The following ANKS3 variants were observed in gnomAD, a reference collection of about 807,000 sequenced individuals.
ANKS3 encodes ankyrin repeat and sterile alpha motif domain containing 3, also known as ankyrin repeat and SAM domain-containing protein 3.
A neutral mutation model predicts 80.7 loss-of-function variants in ANKS3; 62 were observed. The observed-to-expected ratio is 0.77, with a 90% CI of 0.63 to 0.95. The LOEUF (loss-of-function observed/expected upper bound fraction) is 0.95, where lower values mean the gene tolerates loss of function less well. Among genes scored for constraint, ANKS3 ranks in the 40% least tolerant of loss-of-function variants. ANKS3 has a pLI of 0.00. For missense variants in ANKS3, 1,150 were observed against 883.6 expected (o/e 1.30, Z -3.82); for synonymous variants, 489 against 355.3 (o/e 1.38, Z -4.23).
intron 14 of ANKS3, 178 bp from the exon 15 acceptor site, chr16:4,698,240 C>A: frequency 8.8e-7 from 1 of 1,135,778 alleles, no homozygotes. Context: ...GGTGCAGATT[C>A]CCGGACCCAA....
chr16:4,703,551 G>C (rs2080030946), intron 8 of ANKS3, among the ~76,000 whole-genome samples: 1 of 151,812 alleles, frequency 6.6e-6, no homozygotes, highest in Admixed American at 6.6e-5. Context: ...CTCCCGAGTA[G>C]CTGGGATTAT....
At chr16:4,697,487 C>G in intron 15 of ANKS3, 71 bp from the exon 16 acceptor site, 1 of 1,294,920 alleles carries the variant, frequency 7.7e-7, no homozygotes, top group Non-Finnish European at 1.1e-6. Flanking sequence ...TATTCTGAGC[C>G]CATGCAACCA....
Position 4,730,110 on chromosome 16 carries a change from G to C in ANKS3, c.40C>G (p.Leu14Val), listed in dbSNP as rs557350733. Residue 14 changes from leucine to valine, a missense_variant, in exon 3 of 18, where the codon CTG becomes GTG. Physicochemically the swap from Leu to Val is conservative, Grantham distance 32. Coordinates refer to ENST00000304283, the MANE Select transcript of ANKS3 (RefSeq NM_133450.4). The stretch of plus-strand genomic sequence containing the variant: ...TGCCACATGGACAAGCTGCGGTTCA[G>C]GAGTTCCGGCTCGCTGGCTTCATCG... ...LSDEASEPELLNRSLSMWHGL... is the reference protein window; with the variant it reads ...LSDEASEPELVNRSLSMWHGL... 2.5e-6 allele frequency: 4 copies of C among 1,592,638 alleles called. No homozygotes were observed. Among genetic ancestry groups the C allele is most frequent in the Admixed American group, 3.4e-5 (2 of 58,310 alleles).
At chr16:4,697,235 G>C (rs560517716) in intron 16 of ANKS3, 98 bp downstream of exon 16, 9 of 1,543,056 alleles carry the variant, frequency 5.8e-6, no homozygotes, top group East Asian at 2.3e-5. Flanking sequence ...GTCAGCCTTG[G>C]GGTAGAGAGA....
At chr16:4,697,294 CAA>C in intron 16 of ANKS3, 37 bp downstream of exon 16, 1 of 1,575,502 alleles carries the variant, frequency 6.3e-7, no homozygotes, top group Non-Finnish European at 8.7e-7. Flanking sequence ...CCCTCGGAAA[CAA>C]AAGGAGCGCT....
chr16:4,732,554 G>C (rs2081680821), intron 1 of ANKS3, among the ~76,000 whole-genome samples: 1 of 151,818 alleles, frequency 6.6e-6, no homozygotes, highest in Non-Finnish European at 1.5e-5. Context: ...GTGGTGGTGG[G>C]CGCCTGTAGT....
intron 1 of ANKS3, among the ~76,000 whole-genome samples, chr16:4,733,247 A>G (rs1264572129): frequency 2.0e-4 from 30 of 150,040 alleles, no homozygotes; most frequent in Non-Finnish European, 3.0e-5. Context: ...TGACCGCACA[A>G]CAGGGTGACT....
intron 7 of ANKS3, 82 bp downstream of exon 7, chr16:4,713,969 G>A: frequency 6.5e-7 from 1 of 1,549,620 alleles, no homozygotes; most frequent in Non-Finnish European, 8.7e-7. Flanking sequence ...CGGGGAAGCG[G>A]GGGACATCTT....
At chr16:4,720,545 C>G (rs577241325) in intron 6 of ANKS3, among the ~76,000 whole-genome samples, 1 of 151,260 alleles carries the variant, frequency 6.6e-6, no homozygotes, top group East Asian at 1.9e-4. Flanking sequence ...ACACTACCCA[C>G]TACCGACTGA....
intron 8 of ANKS3, among the ~76,000 whole-genome samples, chr16:4,703,392 G>A (rs893294002): frequency 2.6e-5 from 4 of 151,680 alleles, no homozygotes; most frequent in Admixed American, 2.0e-4. Context: ...TGGGATTACA[G>A]GTATAAGCCA....
In ANKS3 at chr16:4,708,072, A is replaced by G. The variant is rs145150442; in HGVS notation, c.710-2819T>C. ...AGAGGTTGCAGTGAGTCAAGATCGC[A>G]CTTGGGCACTCCAGCCTGGGTGACA... On this transcript the variant is annotated intron_variant, in intron 7 of 17. Transcript: ENST00000304283. Among the ~76,000 whole-genome samples, 1,184 of 152,260 alleles carry G rather than the reference A, an allele frequency of 7.8e-3. 21 individuals carry two copies. Among genetic ancestry groups the G allele is most frequent in the African/African-American group, 0.027 (1,117 of 41,556 alleles).
intron 6 of ANKS3, among the ~76,000 whole-genome samples, chr16:4,721,552 A>C (rs1194084276): frequency 6.6e-6 from 1 of 151,448 alleles, no homozygotes; most frequent in African/African-American, 2.4e-5. Context: ...TCAAGGCTGC[A>C]GTGAGCTGAG....
chr16:4,726,397 TA>T (rs1158460056), intron 5 of ANKS3, among the ~76,000 whole-genome samples: 2 of 152,182 alleles, frequency 1.3e-5, no homozygotes, highest in Admixed American at 6.5e-5. Context: ...TGGCATACAA[TA>T]AAACATGTAA....
In ANKS3 at chr16:4,706,487, G is replaced by T. The variant is rs570427907; in HGVS notation, c.710-1234C>A. On this transcript the variant is annotated intron_variant, in intron 7 of 17. Transcript: ENST00000304283. ...CCTGACCTTGTGATCCGCCCACCTTGGCCTCCCACAAAGTGCTGGCATCAC... is the reference window on the plus strand; with the variant it reads ...CCTGACCTTGTGATCCGCCCACCTTTGCCTCCCACAAAGTGCTGGCATCAC... Among the ~76,000 whole-genome samples, 48 of 152,222 alleles carry T rather than the reference G, an allele frequency of 3.2e-4. 1 individual carries two copies. In the East Asian group the frequency reaches 7.7e-3, roughly 25 times the overall value.
Position 4,727,127 on chromosome 16 carries a change from A to G in ANKS3, c.221T>C (p.Met74Thr), listed in dbSNP as rs772857376. The G allele has an allele frequency of 1.9e-6, 3 of 1,614,048 alleles. No individual in the cohort carries two copies. Among genetic ancestry groups the G allele is most frequent in the Non-Finnish European group, 2.5e-6 (3 of 1,180,034 alleles). ...GTCGTGGCCAATGTAGGAGGCATAC[A>G]TCAGCGGGGTCCAGCCACCACCATT... Reference protein sequence around the residue: ...KKNGGGWTPLMYASYIGHDTI... With the variant: ...KKNGGGWTPLTYASYIGHDTI... Residue 74 changes from methionine to threonine, a missense_variant, in exon 4 of 18, where the codon ATG becomes ACG. Met to Thr is a moderately conservative substitution (Grantham distance 81). Transcript: ENST00000304283.
At chr16:4,709,383 G>A (rs2080368396) in intron 7 of ANKS3, among the ~76,000 whole-genome samples, 1 of 146,906 alleles carries the variant, frequency 6.8e-6, no homozygotes, top group African/African-American at 2.5e-5. Context: ...TCCAGCCTAG[G>A]AAACAAGAGC....
At chr16:4,700,848 G>T (rs78864110) in intron 11 of ANKS3, 122 bp downstream of exon 11, 1 of 1,314,586 alleles carries the variant, frequency 7.6e-7, no homozygotes, top group Admixed American at 1.7e-5. Context: ...CAGGCCATGG[G>T]GATGCCACCG....
At chr16:4,720,855 T>C (rs1292367579) in intron 6 of ANKS3, among the ~76,000 whole-genome samples, 2 of 149,914 alleles carry the variant, frequency 1.3e-5, no homozygotes, top group Non-Finnish European at 3.0e-5. Flanking sequence ...GAGAATCGCT[T>C]GAACCTGGGA....
chr16:4,722,302 C>G (rs909382809), intron 6 of ANKS3, among the ~76,000 whole-genome samples: 1 of 151,218 alleles, frequency 6.6e-6, no homozygotes, highest in African/African-American at 2.4e-5. Context: ...AATGGCCAGC[C>G]GGGCACAGTG....
Sources: gnomAD v4.1 joint callset for allele counts (sites outside exome capture counted in the v4.1 genomes callset) on GRCh38, gnomAD v4.1.1 for gene constraint, MANE v1.5 for transcripts, NCBI Gene and HGNC (gene_info 2026-07-23, HGNC 2026-07-21) for gene names.